Variants in MGA observed in about 807,000 individuals in gnomAD.
MGA encodes the protein MAX dimerization protein MGA.
Under a neutral mutation model 261.1 loss-of-function variants are expected in MGA, and 40 were observed. The ratio of observed to expected loss-of-function variants is 0.15; its 90% CI spans 0.12 to 0.20. The LOEUF is 0.20. Ranked by LOEUF, MGA falls within the 10% of genes least tolerant of loss-of-function variation. MGA has a pLI of 1.00. For missense variants in MGA, 3,397 were observed against 3,630.5 expected, an observed-to-expected ratio of 0.94 and a Z score of 1.65; for synonymous variants, 1,302 against 1,290.6, an observed-to-expected ratio of 1.01 and a Z score of -0.19.
At chr15:41,646,342 T>G (rs1273244076) in intron 1 of MGA, among the ~76,000 whole-genome samples, 2 of 151,752 alleles carry the variant, frequency 1.3e-5, no homozygotes, top group Non-Finnish European at 2.9e-5. Flanking sequence ...TTTATTAATT[T>G]TTTTCTATTT....
At chr15:41,718,495 T>C in intron 9 of MGA, 1 of 628,290 alleles carries the variant, frequency 1.6e-6, no homozygotes, top group South Asian at 2.3e-5. Context: ...TTCTGATCAA[T>C]CTTGCACTGC....
At chr15:41,645,416 G>A (rs768142920) in intron 1 of MGA, among the ~76,000 whole-genome samples, 7 of 152,194 alleles carry the variant, frequency 4.6e-5, no homozygotes, top group Non-Finnish European at 7.3e-5. Flanking sequence ...GTGAAACCCT[G>A]TCTCTACTAA....
rs755917658 is a variant in MGA, at chr15:41,749,751, T to G, written c.6144T>G (p.Ser2048=). The change falls in exon 17 of 24, where the codon TCT becomes TCG. Residue 2048 remains serine (S), a synonymous_variant. Transcript: ENST00000219905. ...AAGGTTGTGCAACTGTCAAACCATC[T>G]GAGCATTCCTGTATCACTGGGTCAC... The G allele has an allele frequency of 6.2e-7, 1 of 1,613,902 alleles. No individual in the cohort carries two copies. The highest frequency in any genetic ancestry group is 1.3e-5 in the African/African-American group (1 of 74,926).
intron 1 of MGA, among the ~76,000 whole-genome samples, chr15:41,624,496 A>C (rs904418369): frequency 1.3e-5 from 2 of 151,950 alleles, no homozygotes; most frequent in Admixed American, 6.5e-5. Context: ...CACCACACCT[A>C]GCTAATTTTT....
chr15:41,730,930 C>G (rs1401610630), intron 11 of MGA, among the ~76,000 whole-genome samples: 1 of 152,072 alleles, frequency 6.6e-6, no homozygotes, highest in Non-Finnish European at 1.5e-5. Context: ...AAAGAAGAAA[C>G]TATGTTATAA....
intron 2 of MGA, 63 bp from the exon 3 acceptor site, chr15:41,696,012 C>A: frequency 5.6e-6 from 6 of 1,077,494 alleles, no homozygotes; most frequent in Non-Finnish European, 6.5e-6. Flanking sequence ...TTTTTTTTCT[C>A]TTCAAGTCTT....
At position 41,696,224 on chromosome 15, in the gene MGA, A is replaced by G. The variant is rs2059546013; in HGVS notation, c.1214A>G (p.Glu405Gly). Residue 405 changes from glutamate to glycine, a missense_variant, in exon 3 of 24, where the codon GAA becomes GGA. Glu to Gly is a moderately conservative substitution (Grantham distance 98). Transcript: ENST00000219905. Reference sequence around the variant, plus strand: ...CCAGAAGGGGTCACTGTGAAACAGGAAGAGACAGATGAAGAGACGGATGTA... The same window carrying G: ...CCAGAAGGGGTCACTGTGAAACAGGGAGAGACAGATGAAGAGACGGATGTA... The G allele has an allele frequency of 6.2e-7, 1 of 1,613,940 alleles. No homozygotes were observed. The highest frequency in any genetic ancestry group is 8.5e-7 in the Non-Finnish European group (1 of 1,179,854).
chr15:41,722,931 A>G (rs180897545), intron 9 of MGA, among the ~76,000 whole-genome samples: 1 of 152,336 alleles, frequency 6.6e-6, no homozygotes, highest in Non-Finnish European at 1.5e-5. Context: ...TGTAATTTTA[A>G]GTCCCACGAG....
intron 14 of MGA, among the ~76,000 whole-genome samples, chr15:41,741,414 G>A (rs1228818245): frequency 6.6e-6 from 1 of 151,634 alleles, no homozygotes; most frequent in Non-Finnish European, 1.5e-5. Flanking sequence ...TGTGATTAAG[G>A]GGAGTAAAAA....
intron 22 of MGA, among the ~76,000 whole-genome samples, chr15:41,764,469 G>A (rs375918327): frequency 6.6e-6 from 1 of 152,048 alleles, no homozygotes; most frequent in Non-Finnish European, 1.5e-5. Flanking sequence ...TAGCCAGGAT[G>A]GTCTTGATCT....
chr15:41,746,879 G>C (rs1284467926), intron 15 of MGA, among the ~76,000 whole-genome samples: 1 of 149,522 alleles, frequency 6.7e-6, no homozygotes, highest in African/African-American at 2.5e-5. Context: ...ATTTATTAAT[G>C]TTAAATAAGC....
chr15:41,662,139 C>A (rs749537963), intron 1 of MGA, among the ~76,000 whole-genome samples: 1 of 152,094 alleles, frequency 6.6e-6, no homozygotes, highest in Non-Finnish European at 1.5e-5. Flanking sequence ...TTGTTTCTAG[C>A]GTTTGTGTGG....
chr15:41,660,386 C>A (rs2057311025), upstream of MGA: 1 of 152,624 alleles, frequency 6.6e-6, no homozygotes, highest in South Asian at 2.1e-4. Flanking sequence ...GGTAGGAGCG[C>A]GTGCGCGGTG....
In MGA at chr15:41,711,364, T is replaced by C. The variant is rs2060374359; in HGVS notation, c.3084+15T>C. 4 of 1,572,458 alleles carry C rather than the reference T, an allele frequency of 2.5e-6. No individual in the cohort carries two copies. Among genetic ancestry groups the C allele is most frequent in the African/African-American group, 1.4e-5 (1 of 73,336 alleles). On this transcript the variant is annotated intron_variant, in intron 8 of 23. Transcript: ENST00000219905. ...TTACAGCTCAAGTAAGTAGCTGCTGTTTTCTGGAGGTATATTAGTGCTTGG... is the reference window on the plus strand; with the variant it reads ...TTACAGCTCAAGTAAGTAGCTGCTGCTTTCTGGAGGTATATTAGTGCTTGG...
intron 9 of MGA, among the ~76,000 whole-genome samples, chr15:41,718,007 C>A (rs1437612755): frequency 2.0e-5 from 3 of 147,496 alleles, no homozygotes; most frequent in African/African-American, 7.5e-5. Context: ...AGAGTGAGAC[C>A]CTGTCTCAAA....
rs866002277 is a variant in MGA at position 41,764,909 on chromosome 15, C to A, written c.7768C>A (p.Pro2590Thr). 18 of 1,613,904 alleles carry A rather than the reference C, an allele frequency of 1.1e-5. No homozygotes were observed. The African/African-American group carries it at 1.9e-4, about 17-fold the overall frequency. Residue 2590 changes from proline to threonine, a missense_variant, in exon 23 of 24, where the codon CCA (proline) becomes ACA (threonine). By Grantham distance (38) the Pro-to-Thr change is conservative (BLOSUM62 -1). Transcript: ENST00000219905. ...AGAAAATACCTCACCCTTGAACACT[C>A]CACACACCTCTGCCAACCTTGTGAT...
chr15:41,709,444 C>G (rs556404379), intron 7 of MGA, among the ~76,000 whole-genome samples: 41 of 152,126 alleles, frequency 2.7e-4, no homozygotes, highest in South Asian at 6.2e-4. Flanking sequence ...GCATTCCAGT[C>G]TTTCTCCCTC....
Position 41,750,471 on chromosome 15 carries a change from G to A in MGA, c.6864G>A (p.Lys2288=), listed in dbSNP as rs375218714. The A allele has an allele frequency of 3.1e-6, 5 of 1,613,990 alleles. No homozygotes were observed. The highest frequency in any genetic ancestry group is 4.2e-6 in the Non-Finnish European group (5 of 1,179,872). The change falls in exon 17 of 24, where the codon AAG becomes AAA. Residue 2288 remains lysine, a synonymous_variant. Coordinates refer to ENST00000219905, the MANE Select transcript of MGA (RefSeq NM_001164273.2). ...AGATACAACCAAAGCAAGAGAAGAA[G>A]GGTGGGAGAAGCAGTGCTGACTTCA...
At chr15:41,730,948 A>G (rs1425151491) in intron 11 of MGA, among the ~76,000 whole-genome samples, 1 of 152,222 alleles carries the variant, frequency 6.6e-6, no homozygotes, top group African/African-American at 2.4e-5. Context: ...TAAGTCATGT[A>G]TTTGTGATTA....
Sources: gnomAD v4.1 joint callset for allele counts (sites outside exome capture counted in the v4.1 genomes callset) on GRCh38, gnomAD v4.1.1 for gene constraint, MANE v1.5 for transcripts, NCBI Gene and HGNC (gene_info 2026-07-23, HGNC 2026-07-21) for gene names.